COL25A1: variants seen among roughly 807,000 people sequenced by gnomAD.
The protein encoded by COL25A1 is collagen type XXV alpha 1 chain.
A neutral mutation model predicts 128.4 loss-of-function variants in COL25A1; 103 were observed. The observed-to-expected ratio is 0.80, with a 90% confidence interval of 0.68 to 0.94. COL25A1 has a LOEUF of 0.94. Among genes scored for constraint, COL25A1 ranks in the 40% least tolerant of loss-of-function variants. The pLI is 0.00. For synonymous variants in COL25A1, 279 were observed against 277.2 expected (o/e 1.01, Z -0.06); for missense variants, 745 against 840.0 (o/e 0.89, Z 1.40).
intron 13 of COL25A1, 123 bp downstream of exon 13, chr4:108,918,049 T>A (rs1023612557): frequency 2.8e-5 from 13 of 470,538 alleles, no homozygotes; most frequent in African/African-American, 2.2e-4. Flanking sequence ...AATTTTCCTG[T>A]ATTTCAAAAC....
chr4:109,239,372 GTGTA>G (rs1308011059), intron 3 of COL25A1, among the ~76,000 whole-genome samples: 1 of 95,260 alleles, frequency 1.0e-5, no homozygotes. Context: ...ATATATGTGT[GTGTA>G]TGTGTGTGTG....
chr4:108,934,687 T>G (rs900565704), intron 11 of COL25A1, among the ~76,000 whole-genome samples: 5 of 152,176 alleles, frequency 3.3e-5, no homozygotes, highest in Non-Finnish European at 5.9e-5. Context: ...ATATAGAAAT[T>G]CAGTTTGCTG....
chr4:109,194,241 T>TA (rs928600237), intron 3 of COL25A1, among the ~76,000 whole-genome samples: 5 of 152,180 alleles, frequency 3.3e-5, no homozygotes, highest in African/African-American at 1.2e-4. Context: ...AAGGCTAATG[T>TA]AAAAAATGAA....
At chr4:109,071,240 C>T (rs1203429516) in intron 3 of COL25A1, among the ~76,000 whole-genome samples, 2 of 152,096 alleles carry the variant, frequency 1.3e-5, no homozygotes, top group African/African-American at 4.8e-5. Context: ...AACTGGCTAG[C>T]CATATGGAGA....
chr4:109,082,370 A>G (rs987184329), intron 3 of COL25A1, among the ~76,000 whole-genome samples: 1 of 152,194 alleles, frequency 6.6e-6, no homozygotes, highest in Non-Finnish European at 1.5e-5. Flanking sequence ...TAATTATTTG[A>G]GAGGCTGCCA....
chr4:108,905,398 T>TA (rs1455153632), intron 13 of COL25A1, among the ~76,000 whole-genome samples: 4 of 152,014 alleles, frequency 2.6e-5, no homozygotes, highest in African/African-American at 7.2e-5. Flanking sequence ...TTTGAATAGA[T>TA]AGAGTTTAAA....
At chr4:108,900,068 C>T (rs530051476) in intron 14 of COL25A1, among the ~76,000 whole-genome samples, 2 of 151,880 alleles carry the variant, frequency 1.3e-5, no homozygotes, top group African/African-American at 4.8e-5. Flanking sequence ...AATTTATAAC[C>T]CACTGCAGAA....
At chr4:109,124,761 T>C (rs1489924887) in intron 3 of COL25A1, among the ~76,000 whole-genome samples, 2 of 152,036 alleles carry the variant, frequency 1.3e-5, no homozygotes, top group African/African-American at 4.8e-5. Flanking sequence ...CAAAGAATTA[T>C]ATAGCCAAAT....
intron 3 of COL25A1, among the ~76,000 whole-genome samples, chr4:109,083,448 A>AAATTTTTT (rs377354398): frequency 1.4e-4 from 11 of 77,010 alleles, no homozygotes; most frequent in South Asian, 5.3e-4. Flanking sequence ...CACTAAATAA[A>AAATTTTTT]TTTTTTTTTT....
intron 3 of COL25A1, among the ~76,000 whole-genome samples, chr4:109,173,730 C>T (rs1417690942): frequency 3.3e-5 from 5 of 151,998 alleles, no homozygotes; most frequent in Admixed American, 6.6e-5. Context: ...CATTCATAAA[C>T]TCAAAAACAT....
chr4:108,879,113 G>A, intron 19 of COL25A1, among the ~76,000 whole-genome samples: 1 of 152,098 alleles, frequency 6.6e-6, no homozygotes, highest in Non-Finnish European at 1.5e-5. Context: ...TTAATCCTAG[G>A]AATGCCAGAG....
At chr4:109,142,063 T>C (rs1441049115) in intron 3 of COL25A1, among the ~76,000 whole-genome samples, 1 of 152,244 alleles carries the variant, frequency 6.6e-6, no homozygotes, top group Non-Finnish European at 1.5e-5. Flanking sequence ...TGTGGGCATT[T>C]AGTGCTATCA....
chr4:109,237,456 T>C (rs1779550972), intron 3 of COL25A1, among the ~76,000 whole-genome samples: 1 of 151,642 alleles, frequency 6.6e-6, no homozygotes, highest in Non-Finnish European at 1.5e-5. Flanking sequence ...AAATGAAAAA[T>C]TTACAAGGGC....
chr4:108,979,064 G>T (rs1489261622), intron 6 of COL25A1, among the ~76,000 whole-genome samples: 1 of 152,054 alleles, frequency 6.6e-6, no homozygotes, highest in African/African-American at 2.4e-5. Context: ...ATTTATTTTA[G>T]GGCATTGTTG....
At chr4:109,213,159 A>T (rs1053362313) in intron 3 of COL25A1, among the ~76,000 whole-genome samples, 12 of 152,176 alleles carry the variant, frequency 7.9e-5, no homozygotes, top group African/African-American at 2.9e-4. Context: ...AAATCATGGT[A>T]TCTATTGACT....
intron 3 of COL25A1, among the ~76,000 whole-genome samples, chr4:109,080,433 G>A (rs545105087): frequency 2.0e-5 from 3 of 152,120 alleles, no homozygotes; most frequent in Non-Finnish European, 4.4e-5. Flanking sequence ...AGAAGCAAGG[G>A]ATAAATCACC....
chr4:108,952,704 A>G (rs1749585278), intron 8 of COL25A1, among the ~76,000 whole-genome samples: 1 of 152,128 alleles, frequency 6.6e-6, no homozygotes, highest in Non-Finnish European at 1.5e-5. Flanking sequence ...CATTTTCTGA[A>G]AGGAAACAGT....
intron 4 of COL25A1, among the ~76,000 whole-genome samples, chr4:109,048,640 G>C (rs1760684553): frequency 6.6e-6 from 1 of 152,128 alleles, no homozygotes; most frequent in Non-Finnish European, 1.5e-5. Flanking sequence ...ATATGCAAAA[G>C]ACTAGGTCCT....
chr4:108,995,977 A>G (rs1018727836), intron 6 of COL25A1, among the ~76,000 whole-genome samples: 3 of 152,190 alleles, frequency 2.0e-5, no homozygotes, highest in Non-Finnish European at 4.4e-5. Flanking sequence ...AGCACTAAAT[A>G]TGGAAAGGAA....
Sources: allele counts gnomAD v4.1 joint callset (sites outside exome capture counted in the v4.1 genomes callset), GRCh38; gene constraint gnomAD v4.1.1; transcripts MANE v1.5; gene names NCBI Gene and HGNC (gene_info 2026-07-23, HGNC 2026-07-21).